Variants in SH3BGRL observed in about 807,000 individuals in gnomAD.
SH3BGRL encodes adapter SH3BGRL.
In SH3BGRL, 7 loss-of-function variants were observed where a neutral mutation model predicts 9.8. The ratio of observed to expected loss-of-function variants is 0.72; its 90% CI spans 0.41 to 1.35. SH3BGRL has a LOEUF of 1.35. SH3BGRL is among the 40% of genes most tolerant of loss of function. The pLI is 0.01. For synonymous variants in SH3BGRL, 36 were observed against 29.1 expected, an observed-to-expected ratio of 1.24 and a Z score of -0.76; for missense variants, 73 against 84.4, an observed-to-expected ratio of 0.86 and a Z score of 0.53.
chrX:81,284,831 A>G (rs1008168567), intron 3 of SH3BGRL, among the ~76,000 whole-genome samples: 6 of 110,821 alleles, frequency 5.4e-5, no homozygotes, highest in African/African-American at 2.0e-4. Context: ...AATAAATAAA[A>G]AACAGCTAAG....
chrX:81,273,043 C>T (rs2075786259), intron 1 of SH3BGRL, among the ~76,000 whole-genome samples: 1 of 112,036 alleles, frequency 8.9e-6, no homozygotes, highest in African/African-American at 3.2e-5. Flanking sequence ...AGAAAGTTTC[C>T]AAGTTTATTT....
chrX:81,226,520 A>C (rs912150475), intron 1 of SH3BGRL, among the ~76,000 whole-genome samples: 3 of 103,401 alleles, frequency 2.9e-5, no homozygotes, highest in East Asian at 5.8e-4. Context: ...ATATATATAT[A>C]TCTATATCTC....
intron 1 of SH3BGRL, among the ~76,000 whole-genome samples, chrX:81,225,243 CTG>C (rs752859105): frequency 3.3e-4 from 37 of 110,880 alleles, no homozygotes; most frequent in African/African-American, 1.1e-3. Context: ...AGGGGAATAA[CTG>C]TTTTAGCATA....
intron 1 of SH3BGRL, among the ~76,000 whole-genome samples, chrX:81,210,557 A>G (rs1268755595): frequency 9.0e-6 from 1 of 111,543 alleles, no homozygotes; most frequent in South Asian, 3.8e-4. Context: ...TGACAATTCA[A>G]TGAAGCTAGT....
At chrX:81,206,171 C>CT (rs1028304513) in intron 1 of SH3BGRL, among the ~76,000 whole-genome samples, 2 of 110,799 alleles carry the variant, frequency 1.8e-5, no homozygotes, top group Non-Finnish European at 3.8e-5. Context: ...TAGGTTTCTC[C>CT]TTACTCTATT....
chrX:81,287,767 G>A (rs1346338891), intron 3 of SH3BGRL, among the ~76,000 whole-genome samples: 1 of 110,411 alleles, frequency 9.1e-6, no homozygotes, highest in Non-Finnish European at 1.9e-5. Context: ...AAAACTGCAT[G>A]TTCTGCACAT....
rs751279936 is a variant in SH3BGRL at position 81,219,082 on chromosome X, T to G, written c.45+16837T>G. On this transcript the variant is annotated intron_variant, in intron 1 of 3. Coordinates refer to ENST00000373212, the MANE Select transcript of SH3BGRL (RefSeq NM_003022.3). The stretch of plus-strand genomic sequence containing the variant: ...AAAACTTCCCTGGCCTTGCTAGAGA[T>G]CTAGACATCCAACTACAAGAGGCTC... Among the ~76,000 whole-genome samples, 3 of 109,671 alleles carry G rather than the reference T, an allele frequency of 2.7e-5. No homozygotes were observed. In the South Asian group the frequency reaches 1.2e-3, roughly 42 times the overall value.
intron 1 of SH3BGRL, among the ~76,000 whole-genome samples, chrX:81,272,750 C>T (rs1194369870): frequency 1.8e-5 from 2 of 110,848 alleles, no homozygotes; most frequent in South Asian, 3.8e-4. Context: ...CCGCCCGCCT[C>T]GGCTTCCCAA....
At chrX:81,248,085 C>T (rs1569363286) in intron 1 of SH3BGRL, among the ~76,000 whole-genome samples, 2 of 110,234 alleles carry the variant, frequency 1.8e-5, no homozygotes, top group Non-Finnish European at 3.8e-5. Flanking sequence ...TTTTTAGTTT[C>T]TGTGCATAGA....
At chrX:81,223,056 T>C (rs1392865924) in intron 1 of SH3BGRL, among the ~76,000 whole-genome samples, 1 of 111,967 alleles carries the variant, frequency 8.9e-6, no homozygotes, top group Non-Finnish European at 1.9e-5. Flanking sequence ...TTGAGTTCAT[T>C]GCAGATTCTG....
At chrX:81,236,621 A>G (rs2075648884) in intron 1 of SH3BGRL, among the ~76,000 whole-genome samples, 1 of 111,750 alleles carries the variant, frequency 8.9e-6, no homozygotes, top group Non-Finnish European at 1.9e-5. Context: ...ACCATCAAAA[A>G]ACATCAAGTA....
intron 1 of SH3BGRL, among the ~76,000 whole-genome samples, chrX:81,246,925 T>G (rs1397175854): frequency 8.9e-6 from 1 of 112,437 alleles, no homozygotes; most frequent in African/African-American, 3.2e-5. Context: ...AACAATACTT[T>G]TCTTCCAAAT....
chrX:81,297,081 T>C (rs2075877688), intron 3 of SH3BGRL, 114 bp from the exon 4 acceptor site: 3 of 514,951 alleles, frequency 5.8e-6, no homozygotes, highest in Non-Finnish European at 6.2e-6. Flanking sequence ...AAATCTCTTC[T>C]GGGGGCTTTT....
rs999604369 is a variant in SH3BGRL, at chrX:81,233,083, A to G, written c.45+30838A>G. On this transcript the variant is annotated intron_variant, in intron 1 of 3. Coordinates refer to ENST00000373212, the MANE Select transcript of SH3BGRL (RefSeq NM_003022.3). Reference sequence around the variant, plus strand: ...TACATATACAACTTGCAATTGTGGGATTCACCTTTTCTGAGTATGAAAGTG... The same window carrying G: ...TACATATACAACTTGCAATTGTGGGGTTCACCTTTTCTGAGTATGAAAGTG... Among the ~76,000 whole-genome samples the G allele has an allele frequency of 4.5e-5, 5 of 111,464 alleles. No individual in the cohort carries two copies. The Admixed American group carries it at 4.8e-4, about 11-fold the overall frequency.
intron 1 of SH3BGRL, among the ~76,000 whole-genome samples, chrX:81,223,360 T>A (rs999542565): frequency 5.4e-5 from 6 of 111,186 alleles, no homozygotes; most frequent in South Asian, 7.6e-4. Context: ...GGAGATCAGA[T>A]TCTTGAAACT....
intron 1 of SH3BGRL, among the ~76,000 whole-genome samples, chrX:81,220,715 T>C (rs1417681901): frequency 2.7e-5 from 3 of 111,113 alleles, no homozygotes; most frequent in Non-Finnish European, 5.7e-5. Flanking sequence ...AAGTTGTTTA[T>C]TTGAAGTTTT....
At chrX:81,249,630 T>C (rs1416724992) in intron 1 of SH3BGRL, among the ~76,000 whole-genome samples, 2 of 112,361 alleles carry the variant, frequency 1.8e-5, no homozygotes, top group African/African-American at 3.2e-5. Context: ...TTATGTAGTA[T>C]TTTTGTCTTC....
chrX:81,259,944 A>G (rs2075736186), intron 1 of SH3BGRL, among the ~76,000 whole-genome samples: 1 of 111,723 alleles, frequency 9.0e-6, no homozygotes, highest in Non-Finnish European at 1.9e-5. Context: ...TTTTCTTACG[A>G]AATCTTAAAG....
In SH3BGRL at chrX:81,202,104, C is replaced by A; in HGVS notation, c.-97C>A. 1.1e-6 allele frequency: 1 copy of A among 884,071 alleles called. No individual in the cohort carries two copies. The highest frequency in any genetic ancestry group is 1.6e-6 in the Non-Finnish European group (1 of 615,019). 72.9% of individuals were successfully genotyped at this position (884,071 alleles called of 1,213,427 possible). A position where few individuals can be genotyped will look rare whatever the true frequency, so the allele number is the denominator to read the frequency against. ...TCCACCTTCCCCCACCCTTCTCTGCCAACCGCTGTTTCAGCCCCTAGCTGG... is the reference window on the plus strand; with the variant it reads ...TCCACCTTCCCCCACCCTTCTCTGCAAACCGCTGTTTCAGCCCCTAGCTGG... On this transcript the variant is annotated 5_prime_UTR_variant, in exon 1 of 4. Coordinates refer to ENST00000373212, the MANE Select transcript of SH3BGRL (RefSeq NM_003022.3).
Sources: gnomAD v4.1 joint callset for allele counts (sites outside exome capture counted in the v4.1 genomes callset) on GRCh38, gnomAD v4.1.1 for gene constraint, MANE v1.5 for transcripts, NCBI Gene and HGNC (gene_info 2026-07-23, HGNC 2026-07-21) for gene names.